Variants in TXNL4A observed in about 807,000 individuals in gnomAD.
TXNL4A encodes the protein thioredoxin like 4A.
TXNL4A carries 17 observed loss-of-function variants against 14.6 expected under a neutral mutation model. The ratio of observed to expected loss-of-function variants is 1.16; its 90% CI spans 0.80 to 1.74. The LOEUF (loss-of-function observed/expected upper bound fraction) is 1.74. Ranked by LOEUF, TXNL4A falls within the 40% of genes most tolerant of loss-of-function variation. The pLI, the probability that TXNL4A is intolerant of heterozygous loss-of-function variation, is 0.00. For missense variants in TXNL4A, 74 were observed against 195.2 expected (o/e 0.38, Z 3.70); for synonymous variants, 83 against 70.6 (o/e 1.18, Z -0.88).
At chr18:80,007,810 A>G (rs186645562) in intron 1 of TXNL4A, among the ~76,000 whole-genome samples, 1 of 152,128 alleles carries the variant, frequency 6.6e-6, no homozygotes, top group East Asian at 1.9e-4. Context: ...GATTACTTCT[A>G]AATTCCCCAG....
chr18:79,990,729 C>T (rs117644886), upstream of TXNL4A, among the ~76,000 whole-genome samples: 15 of 152,286 alleles, frequency 9.8e-5, no homozygotes, highest in East Asian at 2.9e-3. Flanking sequence ...CAAGATTTAT[C>T]GCCTTAATTT....
At chr18:80,033,438 C>G (rs1307672101) in intron 1 of TXNL4A, among the ~76,000 whole-genome samples, 1 of 152,244 alleles carries the variant, frequency 6.6e-6, no homozygotes, top group Admixed American at 6.5e-5. Context: ...GCCACGCTGA[C>G]TCTGGGGAGG....
At chr18:79,987,475 T>C (rs1246069151) in intron 1 of TXNL4A, among the ~76,000 whole-genome samples, 9 of 152,024 alleles carry the variant, frequency 5.9e-5, no homozygotes, top group Admixed American at 5.9e-4. Flanking sequence ...GGAAAATTAA[T>C]ATGGCAAATA....
chr18:79,977,585 T>C lies in TXNL4A; in HGVS notation c.257+13A>G, dbSNP rs777427941. On this transcript the variant is annotated intron_variant, in intron 2 of 2. Transcript: ENST00000269601. ...CAATATTCAATTTCAGTAACAACTTTAAGATAACGTACCTGAAGAAAAACA... is the reference window on the plus strand; with the variant it reads ...CAATATTCAATTTCAGTAACAACTTCAAGATAACGTACCTGAAGAAAAACA... 4.5e-6 allele frequency: 7 copies of C among 1,567,322 alleles called. No individual in the cohort carries two copies. The African/African-American group carries it at 5.5e-5, about 12-fold the overall frequency.
At chr18:80,007,939 T>C (rs757207886) in intron 1 of TXNL4A, among the ~76,000 whole-genome samples, 3 of 152,056 alleles carry the variant, frequency 2.0e-5, no homozygotes, top group Non-Finnish European at 2.9e-5. Flanking sequence ...CACCAGATGA[T>C]TTTTGCCCTC....
chr18:79,973,703 G>T lies in TXNL4A; in HGVS notation c.411C>A (p.Ser137=), dbSNP rs778369091. The change falls in exon 3 of 3, where the codon TCC becomes TCA. Residue 137 remains serine, a synonymous_variant. Coordinates refer to ENST00000269601, the MANE Select transcript of TXNL4A (RefSeq NM_006701.5). ...RGLVVSPKDY[S]TKYRY is the part of the protein sequence containing the mutation. ...GGGCGCCTCAGTAGCGGTACTTGGT[G>T]GAGTAGTCCTTGGGGGACACCACCA... 1.9e-6 allele frequency: 3 copies of T among 1,613,716 alleles called. No individual in the cohort carries two copies. The highest frequency in any genetic ancestry group is 2.7e-5 in the African/African-American group (2 of 74,916).
At chr18:79,988,136 C>T in intron 1 of TXNL4A, 104 bp downstream of exon 1, 1 of 1,272,914 alleles carries the variant, frequency 7.9e-7, no homozygotes, top group Non-Finnish European at 1.0e-6. Flanking sequence ...AGCCGCGGCC[C>T]CTCCTCGGGG....
chr18:79,988,198 G>T, intron 1 of TXNL4A, 42 bp downstream of exon 1: 1 of 1,465,828 alleles, frequency 6.8e-7, no homozygotes, highest in Non-Finnish European at 9.2e-7. Context: ...CGGGGCAGAT[G>T]CGGAAGCACA....
At chr18:79,980,722 C>T (rs1314724331) in intron 1 of TXNL4A, among the ~76,000 whole-genome samples, 2 of 152,128 alleles carry the variant, frequency 1.3e-5, no homozygotes, top group African/African-American at 2.4e-5. Flanking sequence ...GCGTGCGCCT[C>T]GCCATCCATG....
At chr18:80,001,710 G>T (rs1413732686) in intron 1 of TXNL4A, among the ~76,000 whole-genome samples, 1 of 152,166 alleles carries the variant, frequency 6.6e-6, no homozygotes, top group Non-Finnish European at 1.5e-5. Flanking sequence ...TGGGCCTTTA[G>T]TCCCTTCGTT....
upstream of TXNL4A, among the ~76,000 whole-genome samples, chr18:79,992,403 C>T (rs1439618267): frequency 2.6e-5 from 4 of 152,170 alleles, no homozygotes; most frequent in South Asian, 6.2e-4. Context: ...ACAGAAGCCA[C>T]ATCTGTGTCT....
At chr18:80,028,285 T>C (rs1469029957) in intron 1 of TXNL4A, among the ~76,000 whole-genome samples, 2 of 149,258 alleles carry the variant, frequency 1.3e-5, no homozygotes, top group South Asian at 4.4e-4. Flanking sequence ...AAGAAATAAG[T>C]ATGGGTTCCC....
chr18:80,015,344 CT>C (rs2051800351), intron 1 of TXNL4A, among the ~76,000 whole-genome samples: 1 of 139,108 alleles, frequency 7.2e-6, no homozygotes, highest in Non-Finnish European at 1.6e-5. Flanking sequence ...AAACAAAATG[CT>C]TTTTTAAAAA....
chr18:79,998,229 C>T (rs1206657763), intron 1 of TXNL4A, among the ~76,000 whole-genome samples: 1 of 151,748 alleles, frequency 6.6e-6, no homozygotes, highest in African/African-American at 2.4e-5. Context: ...GGAGGCAGAG[C>T]TTGCAGTGAG....
chr18:79,991,025 G>A (rs1479929386), upstream of TXNL4A, among the ~76,000 whole-genome samples: 1 of 151,086 alleles, frequency 6.6e-6, no homozygotes, highest in Non-Finnish European at 1.5e-5. Flanking sequence ...GGAGAATGGC[G>A]TGAACCCGGG....
chr18:80,029,674 T>C (rs972510060), intron 1 of TXNL4A, among the ~76,000 whole-genome samples: 10 of 152,160 alleles, frequency 6.6e-5, no homozygotes, highest in African/African-American at 1.9e-4. Context: ...ACTGGCTAAA[T>C]TCACCTCCAG....
chr18:80,008,578 C>T (rs1177573218), intron 1 of TXNL4A, among the ~76,000 whole-genome samples: 2 of 152,068 alleles, frequency 1.3e-5, no homozygotes, highest in East Asian at 1.9e-4. Context: ...CTTCCTCTCC[C>T]CCTTCCTGTC....
chr18:79,973,606 T>C lies in TXNL4A; in HGVS notation c.*79A>G. On this transcript the variant is annotated 3_prime_UTR_variant, in exon 3 of 3. Coordinates refer to ENST00000269601, the MANE Select transcript of TXNL4A (RefSeq NM_006701.5). ...TCCAGCCCTGGAGCTTCCTGTATTT[T>C]CCAAAGGCTTTAAATAGCTTAAAAC... 6.6e-7 allele frequency: 1 copy of C among 1,514,098 alleles called. No individual in the cohort carries two copies. The highest frequency in any genetic ancestry group is 8.8e-7 in the Non-Finnish European group (1 of 1,131,912). 93.8% of individuals were successfully genotyped at this position (1,514,098 alleles called of 1,614,324 possible). A position where few individuals can be genotyped will look rare whatever the true frequency, so the allele number is the denominator to read the frequency against.
intron 1 of TXNL4A, among the ~76,000 whole-genome samples, chr18:80,029,318 A>G (rs928422941): frequency 6.6e-6 from 1 of 152,188 alleles, no homozygotes; most frequent in Non-Finnish European, 1.5e-5. Flanking sequence ...TATAAAGGAA[A>G]GTCGCCCAGG....
Sources: gnomAD v4.1 joint callset for allele counts (sites outside exome capture counted in the v4.1 genomes callset) on GRCh38, gnomAD v4.1.1 for gene constraint, MANE v1.5 for transcripts, NCBI Gene and HGNC (gene_info 2026-07-23, HGNC 2026-07-21) for gene names.